PTPRD: variants seen among roughly 807,000 people sequenced by gnomAD.
PTPRD encodes protein tyrosine phosphatase receptor type D.
Under a neutral mutation model 214.5 loss-of-function variants are expected in PTPRD, and 34 were observed. The ratio of observed to expected loss-of-function variants is 0.16; its 90% CI spans 0.12 to 0.21. PTPRD has a LOEUF of 0.21. PTPRD is among the 10% of genes least tolerant of loss of function. The pLI is 1.00. For synonymous variants in PTPRD, 1,128 were observed against 845.7 expected, an observed-to-expected ratio of 1.33 and a Z score of -5.79; for missense variants, 2,545 against 2,398.7, an observed-to-expected ratio of 1.06 and a Z score of -1.27.
chr9:10,185,973 T>G (rs2099328463), intron 3 of PTPRD, among the ~76,000 whole-genome samples: 2 of 152,294 alleles, frequency 1.3e-5, no homozygotes, highest in South Asian at 4.1e-4. Context: ...TTGTCAACAT[T>G]TGAACATTAT....
At chr9:9,837,889 G>A (rs112092649) in intron 5 of PTPRD, among the ~76,000 whole-genome samples, 1 of 152,066 alleles carries the variant, frequency 6.6e-6, no homozygotes, top group East Asian at 1.9e-4. Flanking sequence ...TTTAGCATTA[G>A]GTATATCTCC....
chr9:10,418,550 G>C (rs1305027989), intron 2 of PTPRD, among the ~76,000 whole-genome samples: 2 of 148,202 alleles, frequency 1.3e-5, no homozygotes, highest in Non-Finnish European at 3.0e-5. Context: ...ATCACCATCT[G>C]GCATACCTGT....
chr9:8,697,529 G>C (rs1565363712), intron 12 of PTPRD, among the ~76,000 whole-genome samples: 1 of 143,996 alleles, frequency 6.9e-6, no homozygotes, highest in Admixed American at 7.4e-5. Context: ...TTCAAGCAAT[G>C]CTCCTGCCTC....
intron 2 of PTPRD, among the ~76,000 whole-genome samples, chr9:10,483,750 G>A (rs73392260): frequency 0.017 from 2,539 of 152,162 alleles, 66 homozygotes; most frequent in African/African-American, 0.058. Context: ...AGCCAGCATG[G>A]CCATTATTAA....
chr9:8,602,523 CA>C (rs1408388768), intron 14 of PTPRD, among the ~76,000 whole-genome samples: 2 of 125,248 alleles, frequency 1.6e-5, no homozygotes, highest in African/African-American at 5.1e-5. Flanking sequence ...AGACAATATA[CA>C]AACAAATATT....
intron 12 of PTPRD, among the ~76,000 whole-genome samples, chr9:8,706,054 A>C (rs539176738): frequency 6.6e-6 from 1 of 152,210 alleles, no homozygotes; most frequent in Non-Finnish European, 1.5e-5. Flanking sequence ...TACAGGACTC[A>C]AATTCTCCCA....
intron 8 of PTPRD, among the ~76,000 whole-genome samples, chr9:9,530,847 A>G (rs2075303820): frequency 6.6e-6 from 1 of 152,136 alleles, no homozygotes; most frequent in Non-Finnish European, 1.5e-5. Context: ...TCAGGGAGGT[A>G]GAGAACATGC....
intron 4 of PTPRD, among the ~76,000 whole-genome samples, chr9:9,992,887 C>T (rs1465224542): frequency 6.6e-6 from 1 of 152,058 alleles, no homozygotes; most frequent in Admixed American, 6.5e-5. Flanking sequence ...CAACATGGCA[C>T]ATGTATACAT....
At chr9:9,482,637 T>C (rs2095467059) in intron 8 of PTPRD, among the ~76,000 whole-genome samples, 1 of 152,172 alleles carries the variant, frequency 6.6e-6, no homozygotes, top group Admixed American at 6.5e-5. Flanking sequence ...CATTCTCTTC[T>C]GAGGACATCA....
intron 10 of PTPRD, among the ~76,000 whole-genome samples, chr9:9,074,491 T>G (rs557387179): frequency 5.7e-4 from 87 of 152,226 alleles, no homozygotes; most frequent in African/African-American, 2.1e-3. Flanking sequence ...AAATTGAGAC[T>G]TGTAATTTCT....
intron 14 of PTPRD, among the ~76,000 whole-genome samples, chr9:8,557,804 A>G (rs568617707): frequency 6.8e-6 from 1 of 147,056 alleles, no homozygotes; most frequent in South Asian, 2.1e-4. Context: ...ACACACACAC[A>G]CACATATATA....
At chr9:9,827,455 T>A (rs974987626) in intron 5 of PTPRD, among the ~76,000 whole-genome samples, 8 of 152,164 alleles carry the variant, frequency 5.3e-5, no homozygotes, top group Admixed American at 1.3e-4. Context: ...GCTAGCCATA[T>A]GTAGAAAGCT....
At chr9:9,795,014 T>G (rs1316391848) in intron 5 of PTPRD, among the ~76,000 whole-genome samples, 5 of 152,146 alleles carry the variant, frequency 3.3e-5, no homozygotes, top group East Asian at 3.9e-4. Context: ...ACCAACAGCT[T>G]GAGCTTCAAT....
chr9:8,862,752 A>C (rs1381809352), intron 11 of PTPRD, among the ~76,000 whole-genome samples: 1 of 152,228 alleles, frequency 6.6e-6, no homozygotes, highest in Non-Finnish European at 1.5e-5. Flanking sequence ...TGTCCTCTTT[A>C]AGAAAAGAAA....
intron 8 of PTPRD, among the ~76,000 whole-genome samples, chr9:9,441,594 C>T (rs967937942): frequency 1.3e-5 from 2 of 152,070 alleles, no homozygotes; most frequent in African/African-American, 4.8e-5. Context: ...CAGGAATTAT[C>T]ATGCTGCCCT....
At chr9:9,393,843 G>A (rs1413572233) in intron 9 of PTPRD, among the ~76,000 whole-genome samples, 1 of 152,058 alleles carries the variant, frequency 6.6e-6, no homozygotes, top group East Asian at 1.9e-4. Flanking sequence ...TTAATAAGTG[G>A]TAGTAATTAC....
At chr9:10,240,699 A>C (rs1162679457) in intron 3 of PTPRD, among the ~76,000 whole-genome samples, 2 of 151,950 alleles carry the variant, frequency 1.3e-5, no homozygotes, top group Non-Finnish European at 2.9e-5. Context: ...ATGCCTAATA[A>C]AGATATAATA....
chr9:9,655,576 AAACCAAACCAAACC>A (rs1564351181), intron 7 of PTPRD, among the ~76,000 whole-genome samples: 7 of 118,396 alleles, frequency 5.9e-5, no homozygotes, highest in South Asian at 2.7e-4. Flanking sequence ...CTCAAAGGGA[AAACCAAACCAAACC>A]AAACCAAACC....
chr9:9,576,012 A>C (rs1185338285), intron 7 of PTPRD, among the ~76,000 whole-genome samples: 1 of 152,110 alleles, frequency 6.6e-6, no homozygotes, highest in African/African-American at 2.4e-5. Context: ...TAGGTCTACA[A>C]GTAGGTGCTC....
Sources: gnomAD v4.1 joint callset for allele counts (sites outside exome capture counted in the v4.1 genomes callset) on GRCh38, gnomAD v4.1.1 for gene constraint, MANE v1.5 for transcripts, NCBI Gene and HGNC (gene_info 2026-07-23, HGNC 2026-07-21) for gene names.